ZNRF4: variants seen among roughly 807,000 people sequenced by gnomAD.
The protein encoded by ZNRF4 is E3 ubiquitin-protein ligase ZNRF4.
For synonymous variants in ZNRF4, 291 were observed against 285.9 expected, an observed-to-expected ratio of 1.02 and a Z score of -0.18; for missense variants, 569 against 609.4, an observed-to-expected ratio of 0.93 and a Z score of 0.70.
chr19:5,455,825 G>T lies in ZNRF4; in HGVS notation c.334G>T (p.Asp112Tyr). 1 of 1,604,210 alleles carries T rather than the reference G, an allele frequency of 6.2e-7. No homozygotes were observed. ...GCTGGAAGACAACTCGAGCTCGGTGGACTTTGCGGATCTGCCGGCGCTGTT... is the reference window on the plus strand; with the variant it reads ...GCTGGAAGACAACTCGAGCTCGGTGTACTTTGCGGATCTGCCGGCGCTGTT... Reference protein sequence around the residue: ...AVLEDNSSSVDFADLPALFGV... With the variant: ...AVLEDNSSSVYFADLPALFGV... Residue 112 changes from aspartate to tyrosine, a missense_variant, in exon 1 of 1, where the codon GAC becomes TAC. Asp to Tyr is a radical substitution (Grantham distance 160, BLOSUM62 -3). Transcript: ENST00000222033.
chr19:5,456,306 T>C lies in ZNRF4; in HGVS notation c.815T>C (p.Leu272Pro). 1 of 1,613,852 alleles carries C rather than the reference T, an allele frequency of 6.2e-7. No individual in the cohort carries two copies. Among genetic ancestry groups the C allele is most frequent in the South Asian group, 1.1e-5 (1 of 91,092 alleles). Reference protein sequence around the residue: ...LALVVSAFFVLNHLWLWAQAC... With the variant: ...LALVVSAFFVPNHLWLWAQAC... ...CTGGTCGTATCAGCCTTCTTTGTCCTGAACCACCTGTGGCTCTGGGCCCAG... is the reference window on the plus strand; with the variant it reads ...CTGGTCGTATCAGCCTTCTTTGTCCCGAACCACCTGTGGCTCTGGGCCCAG... Residue 272 changes from leucine to proline, a missense_variant, in exon 1 of 1, where the codon CTG becomes CCG. Leu to Pro is a moderately conservative substitution (Grantham distance 98). Transcript: ENST00000222033.
chr19:5,456,605 G>A lies in ZNRF4; in HGVS notation c.1114G>A (p.Glu372Lys), dbSNP rs201913017. ...CTCCACCACCTACAGCTTCAGGGAC[G>A]AGGACCCCTCCCTACCGGGCCACCG... ...FDSTTYSFRD[E>K]DPSLPGHRPP... The change falls in exon 1 of 1, where the codon GAG (glutamate) becomes AAG (lysine). Residue 372 changes from glutamate to lysine, a missense_variant. By Grantham distance (56) the Glu-to-Lys change is moderately conservative (BLOSUM62 1). Coordinates refer to ENST00000222033, the MANE Select transcript of ZNRF4 (RefSeq NM_181710.4). 2.7e-5 allele frequency: 43 copies of A among 1,613,424 alleles called. No individual in the cohort carries two copies. The Admixed American group carries it at 4.0e-4, about 15-fold the overall frequency.
Position 5,455,473 on chromosome 19 carries a change from G to C in ZNRF4, c.-19G>C. 6.3e-7 allele frequency: 1 copy of C among 1,576,738 alleles called. No individual in the cohort carries two copies. Among genetic ancestry groups the C allele is most frequent in the Non-Finnish European group, 8.6e-7 (1 of 1,160,810 alleles). On this transcript the variant is annotated 5_prime_UTR_variant, in exon 1 of 1. Transcript: ENST00000222033. ...CCTGCGCCAGCACCTCCTGAGACCG[G>C]CCTTCAAAGACACGACGCATGCCGC...
chr19:5,456,651 A>G lies in ZNRF4; in HGVS notation c.1160A>G (p.Gln387Arg). 1.2e-6 allele frequency: 2 copies of G among 1,613,776 alleles called. No homozygotes were observed. The highest frequency in any genetic ancestry group is 8.5e-7 in the Non-Finnish European group (1 of 1,179,780). ...PGHRPPIWAI[Q>R]VQLRSRRLEL... Reference sequence around the variant, plus strand: ...CACCGGCCCCCCATCTGGGCCATTCAAGTCCAGCTACGCTCCCGGAGGCTG... The same window carrying G: ...CACCGGCCCCCCATCTGGGCCATTCGAGTCCAGCTACGCTCCCGGAGGCTG... The change falls in exon 1 of 1, where the codon CAA becomes CGA. Residue 387 changes from glutamine to arginine, a missense_variant. Transcript: ENST00000222033.
chr19:5,456,584 A>G lies in ZNRF4; in HGVS notation c.1093A>G (p.Thr365Ala), dbSNP rs2051619961. 1.2e-6 allele frequency: 2 copies of G among 1,613,442 alleles called. No homozygotes were observed. The highest frequency in any genetic ancestry group is 3.3e-5 in the Admixed American group (2 of 59,990). Reference sequence around the variant, plus strand: ...CGCCACAGAAGACAGCTTTGACTCCACCACCTACAGCTTCAGGGACGAGGA... The same window carrying G: ...CGCCACAGAAGACAGCTTTGACTCCGCCACCTACAGCTTCAGGGACGAGGA... The part of the protein sequence containing the change: ...VAATEDSFDS[T>A]TYSFRDEDPS... The change falls in exon 1 of 1, where the codon ACC (threonine) becomes GCC (alanine). Residue 365 changes from threonine to alanine, a missense_variant. By Grantham distance (58) the Thr-to-Ala change is moderately conservative. Transcript: ENST00000222033.
chr19:5,456,117 T>C lies in ZNRF4; in HGVS notation c.626T>C (p.Ile209Thr), dbSNP rs777437276. 3 of 1,607,116 alleles carry C rather than the reference T, an allele frequency of 1.9e-6. No individual in the cohort carries two copies. The highest frequency in any genetic ancestry group is 1.7e-5 in the Admixed American group (1 of 60,016). Residue 209 changes from isoleucine to threonine, a missense_variant, in exon 1 of 1, where the codon ATC (isoleucine) becomes ACC (threonine). Ile to Thr is a moderately conservative substitution (Grantham distance 89). Transcript: ENST00000222033. ...VYEDLRGQIAIPSVFVSEAAS... is the reference protein window; with the variant it reads ...VYEDLRGQIATPSVFVSEAAS... ...GAGGACTTGAGGGGCCAGATCGCCA[T>C]CCCCTCAGTGTTCGTGAGCGAGGCC...
At position 5,455,918 on chromosome 19, in the gene ZNRF4, C is replaced by T. The variant is rs1375569326; in HGVS notation, c.427C>T (p.His143Tyr). The T allele has an allele frequency of 3.7e-6, 6 of 1,601,624 alleles. No homozygotes were observed. The highest frequency in any genetic ancestry group is 5.1e-6 in the Non-Finnish European group (6 of 1,179,390). Residue 143 changes from histidine (H) to tyrosine (Y), a missense_variant, in exon 1 of 1, where the codon CAT becomes TAT. Coordinates refer to ENST00000222033, the MANE Select transcript of ZNRF4 (RefSeq NM_181710.4). ...LMEVKPANAC[H>Y]PIEAPRLGNR... The stretch of plus-strand genomic sequence containing the variant: ...GGAGGTCAAGCCAGCCAACGCGTGC[C>T]ATCCCATCGAGGCCCCGCGACTGGG...
rs2051621567 is a variant in ZNRF4 at position 5,456,762 on chromosome 19, C to T, written c.1271C>T (p.Pro424Leu). ...TATACCACTGTCTCCTCAGCCCCTCCTGAGGCCCCTGGTCAGTAAAGATCT... is the reference window on the plus strand; with the variant it reads ...TATACCACTGTCTCCTCAGCCCCTCTTGAGGCCCCTGGTCAGTAAAGATCT... ...AEYTTVSSAP[P>L]EAPGQ The change falls in exon 1 of 1, where the codon CCT becomes CTT. Residue 424 changes from proline to leucine, a missense_variant. By Grantham distance (98) the Pro-to-Leu change is moderately conservative. Transcript: ENST00000222033. 6 of 1,563,910 alleles carry T rather than the reference C, an allele frequency of 3.8e-6. No individual in the cohort carries two copies. In the East Asian group the frequency reaches 1.1e-4, roughly 30 times the overall value.
rs200586901 is a variant in ZNRF4 at position 5,455,550 on chromosome 19, C to T, written c.59C>T (p.Ala20Val). 213 of 1,612,700 alleles carry T rather than the reference C, an allele frequency of 1.3e-4. No individual in the cohort carries two copies. Among genetic ancestry groups the T allele is most frequent in the Non-Finnish European group, 1.8e-4 (208 of 1,179,992 alleles). The change falls in exon 1 of 1, where the codon GCG (alanine) becomes GTG (valine). Residue 20 changes from alanine (A) to valine (V), a missense_variant. Physicochemically the swap from Ala to Val is moderately conservative, Grantham distance 64. Coordinates refer to ENST00000222033, the MANE Select transcript of ZNRF4 (RefSeq NM_181710.4). The part of the protein sequence containing the change: ...MPRASRVPVA[A>V]SLPLSHAVIP... The stretch of plus-strand genomic sequence containing the variant: ...AGAGCCAGCAGGGTCCCAGTGGCCG[C>T]GTCACTGCCTCTGAGCCACGCGGTC...
chr19:5,456,217 G>A lies in ZNRF4; in HGVS notation c.726G>A (p.Pro242=), dbSNP rs756033083. 8.7e-6 allele frequency: 14 copies of A among 1,611,216 alleles called. No homozygotes were observed. The highest frequency in any genetic ancestry group is 2.7e-5 in the African/African-American group (2 of 74,914). ...CGCTGCTCCTGCCCGACGACCCACC[G>A]TGCCACGACCTGGGCTGTCACCCCG... ...AHALLLPDDP[P]CHDLGCHPVL... The change falls in exon 1 of 1, where the codon CCG becomes CCA. Residue 242 remains proline (P), a synonymous_variant. Coordinates refer to ENST00000222033, the MANE Select transcript of ZNRF4 (RefSeq NM_181710.4).
chr19:5,456,645 C>A lies in ZNRF4; in HGVS notation c.1154C>A (p.Ala385Asp), dbSNP rs1368025113. ...SLPGHRPPIWAIQVQLRSRRL... is the reference protein window; with the variant it reads ...SLPGHRPPIWDIQVQLRSRRL... ...CCGGGCCACCGGCCCCCCATCTGGG[C>A]CATTCAAGTCCAGCTACGCTCCCGG... Residue 385 changes from alanine (A) to aspartate (D), a missense_variant, in exon 1 of 1, where the codon GCC (alanine) becomes GAC (aspartate). Ala to Asp is a moderately radical substitution (Grantham distance 126, BLOSUM62 -2). Coordinates refer to ENST00000222033, the MANE Select transcript of ZNRF4 (RefSeq NM_181710.4). 1 of 1,613,862 alleles carries A rather than the reference C, an allele frequency of 6.2e-7. No homozygotes were observed. Among genetic ancestry groups the A allele is most frequent in the East Asian group, 2.2e-5 (1 of 44,872 alleles).
chr19:5,456,672 G>C lies in ZNRF4; in HGVS notation c.1181G>C (p.Arg394Thr). Residue 394 changes from arginine to threonine, a missense_variant, in exon 1 of 1, where the codon AGG (arginine) becomes ACG (threonine). Physicochemically the swap from Arg to Thr is moderately conservative, Grantham distance 71. Transcript: ENST00000222033. Reference protein sequence around the residue: ...WAIQVQLRSRRLELLGRASPH... With the variant: ...WAIQVQLRSRTLELLGRASPH... ...ATTCAAGTCCAGCTACGCTCCCGGA[G>C]GCTGGAGCTGCTGGGCCGCGCCAGT... 6.2e-7 allele frequency: 1 copy of C among 1,613,526 alleles called. No homozygotes were observed. The highest frequency in any genetic ancestry group is 1.1e-5 in the South Asian group (1 of 91,040).
Position 5,455,542 on chromosome 19 carries a change from A to C in ZNRF4, c.51A>C (p.Pro17=). The change falls in exon 1 of 1, where the codon CCA becomes CCC. Residue 17 remains proline (P), a synonymous_variant. Coordinates refer to ENST00000222033, the MANE Select transcript of ZNRF4 (RefSeq NM_181710.4). Reference sequence around the variant, plus strand: ...TAATGCCTAGAGCCAGCAGGGTCCCAGTGGCCGCGTCACTGCCTCTGAGCC... The same window carrying C: ...TAATGCCTAGAGCCAGCAGGGTCCCCGTGGCCGCGTCACTGCCTCTGAGCC... ...EHLMPRASRV[P]VAASLPLSHA... 1 of 1,612,880 alleles carries C rather than the reference A, an allele frequency of 6.2e-7. No individual in the cohort carries two copies. The highest frequency in any genetic ancestry group is 8.5e-7 in the Non-Finnish European group (1 of 1,179,970).
Position 5,455,907 on chromosome 19 carries a change from C to A in ZNRF4, c.416C>A (p.Ala139Asp). The change falls in exon 1 of 1, where the codon GCC (alanine) becomes GAC (aspartate). Residue 139 changes from alanine to aspartate, a missense_variant. Physicochemically the swap from Ala to Asp is moderately radical, Grantham distance 126 (BLOSUM62 -2). Coordinates refer to ENST00000222033, the MANE Select transcript of ZNRF4 (RefSeq NM_181710.4). ...GGCTACCTGATGGAGGTCAAGCCAG[C>A]CAACGCGTGCCATCCCATCGAGGCC... The part of the protein sequence containing the change: ...IRGYLMEVKP[A>D]NACHPIEAPR... 1.2e-6 allele frequency: 2 copies of A among 1,601,718 alleles called. No individual in the cohort carries two copies. The highest frequency in any genetic ancestry group is 1.7e-6 in the Non-Finnish European group (2 of 1,179,242).
chr19:5,456,404 CACA>C lies in ZNRF4; in HGVS notation c.916_918del (p.Asn306del), dbSNP rs761143567. ...GGCCCAGGTCCGCACCTTCACGTGGCACAACGACCTGTGTGCCATCTGCCTGGA... is the reference window on the plus strand; with the variant it reads ...GGCCCAGGTCCGCACCTTCACGTGGCACGACCTGTGTGCCATCTGCCTGGA... On this transcript the variant is annotated inframe_deletion, in exon 1 of 1. Coordinates refer to ENST00000222033, the MANE Select transcript of ZNRF4 (RefSeq NM_181710.4). 1.9e-6 allele frequency: 3 copies of C among 1,613,394 alleles called. No homozygotes were observed. The highest frequency in any genetic ancestry group is 2.5e-6 in the Non-Finnish European group (3 of 1,180,032).
chr19:5,455,934 C>G lies in ZNRF4; in HGVS notation c.443C>G (p.Pro148Arg), dbSNP rs374695381. The G allele has an allele frequency of 1.2e-6, 2 of 1,600,878 alleles. No homozygotes were observed. Among genetic ancestry groups the G allele is most frequent in the Non-Finnish European group, 8.5e-7 (1 of 1,179,348 alleles). Residue 148 changes from proline (P) to arginine (R), a missense_variant, in exon 1 of 1, where the codon CCG (proline) becomes CGG (arginine). Pro to Arg is a moderately radical substitution (Grantham distance 103). Transcript: ENST00000222033. ...AACGCGTGCCATCCCATCGAGGCCCCGCGACTGGGCAACCGCTCTCTGGGC... is the reference window on the plus strand; with the variant it reads ...AACGCGTGCCATCCCATCGAGGCCCGGCGACTGGGCAACCGCTCTCTGGGC... ...PANACHPIEA[P>R]RLGNRSLGAI... is the part of the protein sequence containing the mutation.
chr19:5,456,604 C>G lies in ZNRF4; in HGVS notation c.1113C>G (p.Asp371Glu). 6.2e-7 allele frequency: 1 copy of G among 1,613,390 alleles called. No individual in the cohort carries two copies. The highest frequency in any genetic ancestry group is 8.5e-7 in the Non-Finnish European group (1 of 1,179,438). The change falls in exon 1 of 1, where the codon GAC becomes GAG. Residue 371 changes from aspartate (D) to glutamate (E), a missense_variant. Transcript: ENST00000222033. ...SFDSTTYSFRDEDPSLPGHRP... is the reference protein window; with the variant it reads ...SFDSTTYSFREEDPSLPGHRP... ...ACTCCACCACCTACAGCTTCAGGGA[C>G]GAGGACCCCTCCCTACCGGGCCACC...
chr19:5,456,439 T>A lies in ZNRF4; in HGVS notation c.948T>A (p.Tyr316Ter). 6.2e-7 allele frequency: 1 copy of A among 1,613,534 alleles called. No homozygotes were observed. The highest frequency in any genetic ancestry group is 1.6e-4 in the Middle Eastern group (1 of 6,062). Residue 316 changes from tyrosine (Y) to a stop codon, truncating the protein, a stop_gained, in exon 1 of 1, where the codon TAT becomes TAA. Coordinates refer to ENST00000222033, the MANE Select transcript of ZNRF4 (RefSeq NM_181710.4). LOFTEE classifies it low-confidence loss of function (END_TRUNC). Reference protein sequence around the residue: ...NDLCAICLDEYEEGDQLKILP... With the variant: ...NDLCAICLDE ...TGTGTGCCATCTGCCTGGATGAGTATGAGGAGGGCGACCAACTCAAGATCC... is the reference window on the plus strand; with the variant it reads ...TGTGTGCCATCTGCCTGGATGAGTAAGAGGAGGGCGACCAACTCAAGATCC...
rs1004230541 is a variant in ZNRF4, at chr19:5,456,783, G to T, written c.*2G>T. The T allele has an allele frequency of 2.0e-6, 3 of 1,532,880 alleles. No homozygotes were observed. In the African/African-American group the frequency reaches 4.1e-5, roughly 21 times the overall value. 95.0% of individuals were successfully genotyped at this position (1,532,880 alleles called of 1,614,324 possible). On this transcript the variant is annotated 3_prime_UTR_variant, in exon 1 of 1. Transcript: ENST00000222033. The stretch of plus-strand genomic sequence containing the variant: ...CCTCCTGAGGCCCCTGGTCAGTAAA[G>T]ATCTAGGGCAGGGAGGGGGGTGCAA...
Sources: allele counts gnomAD v4.1 joint callset, GRCh38; gene constraint gnomAD v4.1.1; transcripts MANE v1.5; gene names NCBI Gene and HGNC (gene_info 2026-07-23, HGNC 2026-07-21).